GGT5: variants seen among roughly 807,000 people sequenced by gnomAD.
GGT5 encodes glutathione hydrolase 5 proenzyme.
In GGT5, 50 loss-of-function variants were observed where a neutral mutation model predicts 58.1. The observed-to-expected ratio is 0.86, with a 90% confidence interval of 0.69 to 1.09. The LOEUF is 1.09. Ranked by LOEUF, GGT5 falls within the 50% of genes least tolerant of loss-of-function variation. The pLI is 0.00. For synonymous variants in GGT5, 370 were observed against 346.1 expected (o/e 1.07, Z -0.77); for missense variants, 800 against 789.4 (o/e 1.01, Z -0.16).
intron 1 of GGT5, among the ~76,000 whole-genome samples, chr22:24,239,318 GAC>G (rs1379464928): frequency 6.6e-6 from 1 of 151,346 alleles, no homozygotes; most frequent in Non-Finnish European, 1.5e-5. Context: ...CAGCCTGGGC[GAC>G]AGAGCGAGAC....
chr22:24,226,486 C>T (rs573213386), intron 7 of GGT5, 145 bp downstream of exon 7: 14 of 906,040 alleles, frequency 1.5e-5, no homozygotes, highest in Admixed American at 1.2e-4. Flanking sequence ...CCTGCCACCC[C>T]GGGATCCCTT....
chr22:24,233,211 A>G (rs2048000719), intron 3 of GGT5, among the ~76,000 whole-genome samples, 193 bp from the exon 4 acceptor site: 1 of 152,084 alleles, frequency 6.6e-6, no homozygotes, highest in Non-Finnish European at 1.5e-5. Flanking sequence ...GGGGCCCTAC[A>G]CAAACTGGCC....
chr22:24,231,931 G>A, intron 5 of GGT5, 120 bp downstream of exon 5: 1 of 821,918 alleles, frequency 1.2e-6, no homozygotes, highest in African/African-American at 1.7e-5. Context: ...GCCTCTCGGG[G>A]TCCCGGGCAC....
intron 6 of GGT5, among the ~76,000 whole-genome samples, chr22:24,230,691 C>G (rs1232596052): frequency 6.6e-6 from 1 of 152,200 alleles, no homozygotes; most frequent in African/African-American, 2.4e-5. Context: ...TCCTTCACCT[C>G]CCTGAATACA....
chr22:24,221,562 G>T (rs562301064), intron 11 of GGT5, among the ~76,000 whole-genome samples: 1 of 152,288 alleles, frequency 6.6e-6, no homozygotes, highest in East Asian at 1.9e-4. Flanking sequence ...ACCCATGCTG[G>T]CGTGCAATGG....
At chr22:24,239,221 C>T (rs868709455) in intron 1 of GGT5, among the ~76,000 whole-genome samples, 1 of 150,804 alleles carries the variant, frequency 6.6e-6, no homozygotes, top group East Asian at 2.0e-4. Context: ...TGACTGTAGT[C>T]CCAGCTACTC....
chr22:24,239,585 C>T (rs1479913018), intron 1 of GGT5, among the ~76,000 whole-genome samples: 2 of 151,806 alleles, frequency 1.3e-5, no homozygotes, highest in Admixed American at 6.6e-5. Flanking sequence ...AATGGATACT[C>T]GGGGCTTCAT....
chr22:24,231,357 C>A, intron 6 of GGT5, 27 bp downstream of exon 6: 6 of 1,503,364 alleles, frequency 4.0e-6, no homozygotes, highest in Non-Finnish European at 5.4e-6. Context: ...AGGGGGTGGG[C>A]GCCAGGGCTC....
rs143960861 is a variant in GGT5 at position 24,245,027 on chromosome 22, T to C, written c.-302A>G. On this transcript the variant is annotated 5_prime_UTR_variant, in exon 1 of 12. Coordinates refer to ENST00000327365, the MANE Select transcript of GGT5 (RefSeq NM_004121.5). ...ATGGACAGATGGGTGAATGGACAGA[T>C]GGCTGGCAGCTGTGGCGAGCTGCTG... 11,948 of 390,216 alleles carry C rather than the reference T, an allele frequency of 0.031. 1,223 individuals are homozygous for C. The highest frequency in any genetic ancestry group is 0.22 in the African/African-American group (10,852 of 49,678). 24.2% of individuals were successfully genotyped at this position (390,216 alleles called of 1,614,324 possible). A position where few individuals can be genotyped will look rare whatever the true frequency, so the allele number is the denominator to read the frequency against.
intron 1 of GGT5, among the ~76,000 whole-genome samples, chr22:24,240,492 T>C (rs2048298654): frequency 2.3e-5 from 3 of 131,064 alleles, no homozygotes; most frequent in Admixed American, 7.3e-5. Flanking sequence ...GCTGTATAAC[T>C]TTTTTTTTTT....
In GGT5 at chr22:24,233,942, C is replaced by T. The variant is rs1330767010; in HGVS notation, c.236G>A (p.Ser79Asn). 1 of 1,613,708 alleles carries T rather than the reference C, an allele frequency of 6.2e-7. No homozygotes were observed. The highest frequency in any genetic ancestry group is 8.5e-7 in the Non-Finnish European group (1 of 1,179,668). ...DATIAALVCT[S>N]VVNPQSMGLG... ...GCCCATGCTCTGAGGGTTGACGACG[C>T]TGGTGCAGACCAGAGCCGCGATGGT... The change falls in exon 2 of 12, where the codon AGC becomes AAC. Residue 79 changes from serine to asparagine, a missense_variant. Physicochemically the swap from Ser to Asn is conservative, Grantham distance 46 (BLOSUM62 1). Transcript: ENST00000327365.
intron 11 of GGT5, among the ~76,000 whole-genome samples, chr22:24,222,681 C>T (rs898462705): frequency 9.9e-5 from 15 of 152,140 alleles, no homozygotes; most frequent in Non-Finnish European, 5.9e-5. Context: ...TCCATTAATC[C>T]CAGTCCCCAG....
At chr22:24,221,713 T>TGTTG (rs1487755297) in intron 11 of GGT5, among the ~76,000 whole-genome samples, 3 of 152,068 alleles carry the variant, frequency 2.0e-5, no homozygotes, top group Non-Finnish European at 2.9e-5. Context: ...GTTTTCGCCA[T>TGTTG]GTTGGCCAGG....
At chr22:24,240,231 A>G (rs553603752) in intron 1 of GGT5, among the ~76,000 whole-genome samples, 24 of 152,354 alleles carry the variant, frequency 1.6e-4, no homozygotes, top group African/African-American at 5.8e-4. Context: ...ACTAATAGAG[A>G]AAAAGGAAAT....
intron 6 of GGT5, among the ~76,000 whole-genome samples, chr22:24,227,027 C>A (rs534012060): frequency 8.8e-5 from 13 of 147,766 alleles, no homozygotes; most frequent in African/African-American, 3.0e-4. Flanking sequence ...CAGCTCACTG[C>A]AATCTCTGCC....
intron 1 of GGT5, 55 bp from the exon 2 acceptor site, chr22:24,234,059 C>T: frequency 6.5e-7 from 1 of 1,534,676 alleles, no homozygotes. Flanking sequence ...GCCTCCCCAC[C>T]AGGCTTGCTC....
intron 6 of GGT5, 72 bp from the exon 7 acceptor site, chr22:24,226,839 C>A: frequency 2.3e-6 from 3 of 1,319,402 alleles, no homozygotes; most frequent in Non-Finnish European, 2.2e-6. Flanking sequence ...CCCCACCCCC[C>A]ACCACAGAAA....
At chr22:24,244,110 C>G (rs1254858589) in intron 1 of GGT5, 3 of 164,590 alleles carry the variant, frequency 1.8e-5, no homozygotes, top group African/African-American at 7.2e-5. Flanking sequence ...GCAAATGGGC[C>G]TCCTGAATCC....
At chr22:24,236,501 T>C (rs889216001) in intron 1 of GGT5, among the ~76,000 whole-genome samples, 3 of 152,202 alleles carry the variant, frequency 2.0e-5, no homozygotes, top group African/African-American at 7.2e-5. Flanking sequence ...CGGTGGCTCA[T>C]GCCTGTAATC....
Sources: gnomAD v4.1 joint callset for allele counts (sites outside exome capture counted in the v4.1 genomes callset) on GRCh38, gnomAD v4.1.1 for gene constraint, MANE v1.5 for transcripts, NCBI Gene and HGNC (gene_info 2026-07-23, HGNC 2026-07-21) for gene names.